GOLIM4: variants seen among roughly 807,000 people sequenced by gnomAD.
GOLIM4 encodes golgi integral membrane protein 4, also known as 130 kDa golgi-localized phosphoprotein.
In GOLIM4, 71 loss-of-function variants were observed where a neutral mutation model predicts 107.4. The observed-to-expected ratio is 0.66, with a 90% CI of 0.55 to 0.81. The LOEUF (loss-of-function observed/expected upper bound fraction) is 0.81. Ranked by LOEUF, GOLIM4 falls within the 30% of genes least tolerant of loss-of-function variation. GOLIM4 has a pLI of 0.00. For missense variants in GOLIM4, 830 were observed against 826.1 expected (o/e 1.00, Z -0.06); for synonymous variants, 327 against 294.8 (o/e 1.11, Z -1.12).
At chr3:168,013,481 C>T (rs78720663) in intron 14 of GOLIM4, among the ~76,000 whole-genome samples, 8 of 144,420 alleles carry the variant, frequency 5.5e-5, no homozygotes, top group South Asian at 2.1e-4. Flanking sequence ...GACAGATCAA[C>T]GAGACAGAAA....
Position 168,095,484 on chromosome 3 carries a change from C to T in GOLIM4, c.-199G>A, listed in dbSNP as rs1722145127. On this transcript the variant is annotated 5_prime_UTR_variant, in exon 1 of 16. Transcript: ENST00000470487. Reference sequence around the variant, plus strand: ...GCGGGGCGCGCAGCCATCGACGCCGCCCGGGCAGCTGCAGCCAAACTTCTG... The same window carrying T: ...GCGGGGCGCGCAGCCATCGACGCCGTCCGGGCAGCTGCAGCCAAACTTCTG... 1 of 533,092 alleles carries T rather than the reference C, an allele frequency of 1.9e-6. No homozygotes were observed. Among genetic ancestry groups the T allele is most frequent in the African/African-American group, 2.0e-5 (1 of 48,992 alleles). The allele number at this position is 533,092 out of a possible 1,614,324, so 33.0% of individuals were successfully genotyped here.
At position 168,025,853 on chromosome 3, in the gene GOLIM4, A is replaced by G. The variant is rs866309855; in HGVS notation, c.1624-758T>C. ...TATTATCAACTTTAGAATTATTTCA[A>G]TTTTCCACTTAAGCTCCCAAAGCAC... On this transcript the variant is annotated intron_variant, in intron 12 of 15. Coordinates refer to ENST00000470487, the MANE Select transcript of GOLIM4 (RefSeq NM_014498.5). 4.6e-5 allele frequency among the ~76,000 whole-genome samples: 7 copies of G among 152,326 alleles called. No homozygotes were observed. In the Middle Eastern group the frequency reaches 0.017, roughly 370 times the overall value.
At chr3:168,061,406 A>G (rs911439644) in intron 1 of GOLIM4, among the ~76,000 whole-genome samples, 13 of 152,180 alleles carry the variant, frequency 8.5e-5, no homozygotes, top group Non-Finnish European at 1.5e-4. Flanking sequence ...TAGAAAACTG[A>G]TAGTGTTAAC....
intron 1 of GOLIM4, among the ~76,000 whole-genome samples, chr3:168,072,174 G>C (rs1416371850): frequency 6.6e-6 from 1 of 152,126 alleles, no homozygotes; most frequent in East Asian, 1.9e-4. Flanking sequence ...CATTGCAGGA[G>C]ATATACTGTG....
chr3:168,059,174 A>T (rs1720130331), intron 1 of GOLIM4, among the ~76,000 whole-genome samples: 1 of 152,216 alleles, frequency 6.6e-6, no homozygotes, highest in Non-Finnish European at 1.5e-5. Flanking sequence ...CTGATTTTTT[A>T]ATAGGAACTT....
At chr3:168,085,106 A>G (rs1007983399) in intron 1 of GOLIM4, among the ~76,000 whole-genome samples, 27 of 152,204 alleles carry the variant, frequency 1.8e-4, no homozygotes, top group Admixed American at 1.6e-3. Context: ...CTGCTAAACA[A>G]AAAGGAGGCA....
intron 15 of GOLIM4, 83 bp downstream of exon 15, chr3:168,010,660 T>G (rs1716952739): frequency 1.9e-6 from 2 of 1,046,060 alleles, no homozygotes; most frequent in Non-Finnish European, 3.0e-6. Context: ...CTGGTACGTA[T>G]CCCAAATACA....
intron 1 of GOLIM4, among the ~76,000 whole-genome samples, chr3:168,050,845 TAATA>T (rs1719594432): frequency 6.8e-6 from 1 of 147,188 alleles, no homozygotes; most frequent in Non-Finnish European, 1.5e-5. Context: ...ATAATAATAA[TAATA>T]ATAATAATAA....
rs1260334011 is a variant in GOLIM4, at chr3:168,043,379, C to T, written c.517G>A (p.Glu173Lys). ...EKEQELSKLK[E>K]TVYNLREENR... is the part of the protein sequence containing the mutation. Reference sequence around the variant, plus strand: ...ACTGGCTAATCAGATTTCCAAATACCTTTTAGCTTAGAAAGTTCTTGTTCT... The same window carrying T: ...ACTGGCTAATCAGATTTCCAAATACTTTTTAGCTTAGAAAGTTCTTGTTCT... Residue 173 changes from glutamate to lysine, a missense_variant and splice_region_variant, in exon 5 of 16, where the codon GAG becomes AAG. Glu to Lys is a moderately conservative substitution (Grantham distance 56). Coordinates refer to ENST00000470487, the MANE Select transcript of GOLIM4 (RefSeq NM_014498.5). 2 of 1,600,802 alleles carry T rather than the reference C, an allele frequency of 1.2e-6. No homozygotes were observed.
chr3:168,075,513 T>C (rs1246748614), intron 1 of GOLIM4, among the ~76,000 whole-genome samples: 1 of 151,824 alleles, frequency 6.6e-6, no homozygotes, highest in Non-Finnish European at 1.5e-5. Flanking sequence ...TTAGCCGGGA[T>C]GGTCTCGATC....
At chr3:168,032,958 G>A (rs966340960) in intron 8 of GOLIM4, 106 bp from the exon 9 acceptor site, 13 of 837,924 alleles carry the variant, frequency 1.6e-5, no homozygotes, top group Middle Eastern at 2.3e-4. Context: ...ACAGAAGAAG[G>A]TGTCTAGAAA....
At chr3:168,021,684 CAAAAAA>C (rs147335386) in intron 14 of GOLIM4, among the ~76,000 whole-genome samples, 1 of 145,870 alleles carries the variant, frequency 6.9e-6, no homozygotes, top group East Asian at 2.0e-4. Flanking sequence ...AAACAAAAAA[CAAAAAA>C]AAAAGAAAAG....
intron 1 of GOLIM4, among the ~76,000 whole-genome samples, chr3:168,074,967 G>A (rs1720999017): frequency 6.6e-6 from 1 of 152,086 alleles, no homozygotes; most frequent in Non-Finnish European, 1.5e-5. Flanking sequence ...ATAATTTGTA[G>A]GTGTTATAGT....
chr3:168,075,286 G>GTTTTTT (rs374374393), intron 1 of GOLIM4, among the ~76,000 whole-genome samples: 5 of 94,226 alleles, frequency 5.3e-5, no homozygotes, highest in African/African-American at 8.6e-5. Context: ...ACATTCACTA[G>GTTTTTT]TTTTTTTTTT....
At chr3:168,063,406 G>A (rs532255605) in intron 1 of GOLIM4, among the ~76,000 whole-genome samples, 65 of 152,096 alleles carry the variant, frequency 4.3e-4, no homozygotes, top group Non-Finnish European at 7.1e-4. Context: ...TTTTTTAATA[G>A]CACTTTTAGG....
At chr3:168,054,320 A>G (rs1041107021) in intron 1 of GOLIM4, among the ~76,000 whole-genome samples, 1 of 152,064 alleles carries the variant, frequency 6.6e-6, no homozygotes, top group Non-Finnish European at 1.5e-5. Context: ...GCCTTACCCC[A>G]TCGTTCATCC....
intron 1 of GOLIM4, 115 bp downstream of exon 1, chr3:168,094,984 T>C (rs988316517): frequency 2.7e-6 from 2 of 728,566 alleles, no homozygotes; most frequent in Non-Finnish European, 4.6e-6. Flanking sequence ...CTGACGTCCC[T>C]GAAGGTCAGA....
chr3:168,010,608 G>A (rs965336305), intron 15 of GOLIM4, 135 bp downstream of exon 15: 5 of 796,142 alleles, frequency 6.3e-6, no homozygotes, highest in Non-Finnish European at 8.2e-6. Flanking sequence ...ATTTCAGGTG[G>A]GCCTGTTAAA....
chr3:168,078,733 GT>G (rs1721190335), intron 1 of GOLIM4, among the ~76,000 whole-genome samples: 1 of 152,112 alleles, frequency 6.6e-6, no homozygotes, highest in Non-Finnish European at 1.5e-5. Flanking sequence ...TGGGTCTGTT[GT>G]TATTGTATTT....
Sources: gnomAD v4.1 joint callset for allele counts (sites outside exome capture counted in the v4.1 genomes callset) on GRCh38, gnomAD v4.1.1 for gene constraint, MANE v1.5 for transcripts, NCBI Gene and HGNC (gene_info 2026-07-23, HGNC 2026-07-21) for gene names.